Variants in TTC28 observed in about 807,000 individuals in gnomAD.
The protein encoded by TTC28 is tetratricopeptide repeat domain 28.
Under a neutral mutation model 198.0 loss-of-function variants are expected in TTC28, and 61 were observed. That is an observed-to-expected ratio of 0.31 (90% CI 0.25 to 0.38). The LOEUF (loss-of-function observed/expected upper bound fraction) is 0.38. TTC28 is among the 10% of genes least tolerant of loss of function. The probability of loss-of-function intolerance (pLI) is 1.00; values close to 1 mark genes in which losing one functional copy is unlikely to be tolerated. For missense variants in TTC28, 2,678 were observed against 3,164.0 expected (o/e 0.85, Z 3.69); for synonymous variants, 1,171 against 1,297.8 (o/e 0.90, Z 2.10).
chr22:28,653,787 T>A (rs956133898), intron 1 of TTC28, among the ~76,000 whole-genome samples: 1 of 152,198 alleles, frequency 6.6e-6, no homozygotes, highest in African/African-American at 2.4e-5. Context: ...CCCTTATACA[T>A]ACCACAAACC....
At chr22:28,066,783 CT>C (rs1410050011) in intron 12 of TTC28, among the ~76,000 whole-genome samples, 3 of 152,148 alleles carry the variant, frequency 2.0e-5, no homozygotes, top group Non-Finnish European at 2.9e-5. Flanking sequence ...GTGGGTCCCC[CT>C]AACCCTCTTC....
At chr22:28,197,636 A>G (rs1925509841) in intron 5 of TTC28, among the ~76,000 whole-genome samples, 4 of 152,116 alleles carry the variant, frequency 2.6e-5, no homozygotes, top group Admixed American at 1.3e-4. Flanking sequence ...CAAAAACACG[A>G]AAATATTGTT....
At chr22:28,295,822 C>T (rs189413298) in intron 5 of TTC28, among the ~76,000 whole-genome samples, 79 of 152,192 alleles carry the variant, frequency 5.2e-4, no homozygotes, top group African/African-American at 1.4e-3. Context: ...AAAGAGTCTG[C>T]GGTAATAATA....
At chr22:28,436,736 G>A (rs2047526443) in intron 2 of TTC28, among the ~76,000 whole-genome samples, 1 of 152,176 alleles carries the variant, frequency 6.6e-6, no homozygotes, top group Non-Finnish European at 1.5e-5. Context: ...ACATTAAATA[G>A]CTGAGATCTC....
At chr22:28,622,946 C>T (rs1328526101) in intron 2 of TTC28, among the ~76,000 whole-genome samples, 16 of 152,018 alleles carry the variant, frequency 1.1e-4, no homozygotes, top group Admixed American at 1.0e-3. Flanking sequence ...CTCAGCCTCC[C>T]TAGTAGCTGA....
At chr22:28,664,838 A>G (rs369689453) in intron 1 of TTC28, among the ~76,000 whole-genome samples, 2 of 14,748 alleles carry the variant, frequency 1.4e-4, no homozygotes, top group East Asian at 1.2e-3. Context: ...TCCAAGACAC[A>G]TAATTGTCAG....
At chr22:28,515,139 C>G (rs1271636908) in intron 2 of TTC28, among the ~76,000 whole-genome samples, 1 of 152,020 alleles carries the variant, frequency 6.6e-6, no homozygotes, top group Non-Finnish European at 1.5e-5. Context: ...ATTCATGTAA[C>G]TAATATTTTA....
At chr22:28,190,155 C>G (rs1303425970) in intron 5 of TTC28, among the ~76,000 whole-genome samples, 1 of 152,226 alleles carries the variant, frequency 6.6e-6, no homozygotes, top group Non-Finnish European at 1.5e-5. Context: ...ACAACCTGTT[C>G]TCTTACCTGC....
rs967912869 is a variant in TTC28, at chr22:28,634,373, G to A, written c.103-4543C>T. On this transcript the variant is annotated intron_variant, in intron 1 of 22. Transcript: ENST00000397906. ...AAAAATACTAAAATTAGCTGGCCGT[G>A]GTGGCACGAGCCTGTAGTCTCAGCT... Among the ~76,000 whole-genome samples the A allele has an allele frequency of 2.0e-5, 3 of 151,910 alleles. No homozygotes were observed. The South Asian group carries it at 6.2e-4, about 32-fold the overall frequency.
At chr22:28,099,618 G>A (rs1042824915) in intron 9 of TTC28, among the ~76,000 whole-genome samples, 3 of 152,090 alleles carry the variant, frequency 2.0e-5, no homozygotes, top group East Asian at 1.9e-4. Flanking sequence ...TTATATAATC[G>A]ATTTTTGACA....
At chr22:28,154,112 C>T (rs538015428) in intron 6 of TTC28, among the ~76,000 whole-genome samples, 6 of 152,164 alleles carry the variant, frequency 3.9e-5, no homozygotes, top group Non-Finnish European at 8.8e-5. Flanking sequence ...GATAATTCTG[C>T]CTGGTTTCCC....
chr22:28,230,252 C>G (rs1392354510), intron 5 of TTC28, among the ~76,000 whole-genome samples: 1 of 152,168 alleles, frequency 6.6e-6, no homozygotes, highest in Admixed American at 6.5e-5. Context: ...GCAAAGAATG[C>G]AAGCAAATAT....
At chr22:28,523,378 T>C (rs1463868856) in intron 2 of TTC28, among the ~76,000 whole-genome samples, 1 of 152,214 alleles carries the variant, frequency 6.6e-6, no homozygotes, top group African/African-American at 2.4e-5. Context: ...TAAATCTATA[T>C]ACATCCATAT....
At chr22:28,484,411 C>T (rs1483502297) in intron 2 of TTC28, among the ~76,000 whole-genome samples, 1 of 152,122 alleles carries the variant, frequency 6.6e-6, no homozygotes, top group Non-Finnish European at 1.5e-5. Context: ...CGCACCCAGC[C>T]CCCAAAGTTT....
intron 12 of TTC28, among the ~76,000 whole-genome samples, chr22:28,044,581 C>T (rs889558834): frequency 3.3e-5 from 5 of 152,060 alleles, no homozygotes; most frequent in Non-Finnish European, 5.9e-5. Context: ...TTAGGTATAT[C>T]TCCTAATGCT....
chr22:28,441,698 T>C (rs1195628632), intron 2 of TTC28, among the ~76,000 whole-genome samples: 1 of 152,172 alleles, frequency 6.6e-6, no homozygotes, highest in Non-Finnish European at 1.5e-5. Context: ...ATTTCAGTTC[T>C]GATATAAAAC....
At chr22:28,066,304 G>GTGTT (rs71803180) in intron 12 of TTC28, among the ~76,000 whole-genome samples, 26 of 147,188 alleles carry the variant, frequency 1.8e-4, no homozygotes, top group African/African-American at 5.6e-4. Flanking sequence ...GTGTGTGTGT[G>GTGTT]GTGTGTGTGT....
intron 2 of TTC28, among the ~76,000 whole-genome samples, chr22:28,405,448 T>C (rs1339016409): frequency 6.6e-6 from 1 of 151,978 alleles, no homozygotes; most frequent in African/African-American, 2.4e-5. Context: ...CATATACAAA[T>C]AGCTATAGCA....
In TTC28 at chr22:28,573,383, G is replaced by C. The variant is rs187936560; in HGVS notation, c.381+56169C>G. On this transcript the variant is annotated intron_variant, in intron 2 of 22. Coordinates refer to ENST00000397906, the MANE Select transcript of TTC28 (RefSeq NM_001145418.2). Reference sequence around the variant, plus strand: ...GCAGGAGAATCACTTGAACTTGGGAGGCAGAGGTTGCAGTGAGCCGTGATC... The same window carrying C: ...GCAGGAGAATCACTTGAACTTGGGACGCAGAGGTTGCAGTGAGCCGTGATC... Among the ~76,000 whole-genome samples the C allele has an allele frequency of 1.6e-3, 248 of 152,038 alleles. 1 individual carries two copies. Among genetic ancestry groups the C allele is most frequent in the South Asian group, 0.012 (56 of 4,822 alleles).
Sources: allele counts gnomAD v4.1 joint callset (sites outside exome capture counted in the v4.1 genomes callset), GRCh38; gene constraint gnomAD v4.1.1; transcripts MANE v1.5; gene names NCBI Gene and HGNC (gene_info 2026-07-23, HGNC 2026-07-21).